SPEF2: variants seen among roughly 807,000 people sequenced by gnomAD.
SPEF2 encodes sperm flagellar and cilia associated 2, also known as sperm flagella and cilia-associated protein 2.
A neutral mutation model predicts 224.6 loss-of-function variants in SPEF2; 187 were observed. The observed-to-expected ratio is 0.83, with a 90% confidence interval of 0.74 to 0.94. SPEF2 has a LOEUF of 0.94. Among genes scored for constraint, SPEF2 ranks in the 40% least tolerant of loss-of-function variants. The probability of loss-of-function intolerance (pLI) is 0.00; values close to 1 mark genes in which losing one functional copy is unlikely to be tolerated. For missense variants in SPEF2, 2,170 were observed against 2,135.6 expected (o/e 1.02, Z -0.32); for synonymous variants, 715 against 707.3 (o/e 1.01, Z -0.17).
At chr5:35,797,543 T>C (rs1341808701) in intron 33 of SPEF2, among the ~76,000 whole-genome samples, 2 of 152,100 alleles carry the variant, frequency 1.3e-5, no homozygotes, top group African/African-American at 4.8e-5. Context: ...CTCTGCGCCT[T>C]GCTTTCTTAT....
At chr5:35,797,764 T>A (rs770773042) in intron 33 of SPEF2, among the ~76,000 whole-genome samples, 8 of 152,222 alleles carry the variant, frequency 5.3e-5, no homozygotes, top group Non-Finnish European at 1.2e-4. Flanking sequence ...CTTATTTGGC[T>A]GTAATTAGAA....
intron 36 of SPEF2, among the ~76,000 whole-genome samples, chr5:35,811,327 GT>G (rs1333285341): frequency 6.6e-6 from 1 of 152,098 alleles, no homozygotes; most frequent in African/African-American, 2.4e-5. Context: ...TTAAAATGTT[GT>G]TTGCTATTAT....
chr5:35,747,186 C>T (rs1009488564), intron 23 of SPEF2, among the ~76,000 whole-genome samples: 1 of 152,128 alleles, frequency 6.6e-6, no homozygotes, highest in African/African-American at 2.4e-5. Flanking sequence ...TGAAACAAAT[C>T]CTGGAAACAC....
intron 10 of SPEF2, among the ~76,000 whole-genome samples, chr5:35,674,336 TC>T (rs146059252): frequency 1.6e-3 from 190 of 120,066 alleles, no homozygotes; most frequent in Middle Eastern, 4.0e-3. Flanking sequence ...CTTTTCGTCT[TC>T]TTTTTTTTTT....
chr5:35,797,360 G>T (rs960530360), intron 33 of SPEF2, among the ~76,000 whole-genome samples: 1 of 144,326 alleles, frequency 6.9e-6, no homozygotes, highest in East Asian at 2.1e-4. Flanking sequence ...GTGTGTGTGT[G>T]TGATGTCCAT....
chr5:35,619,447 C>T (rs2112100550), intron 1 of SPEF2, among the ~76,000 whole-genome samples: 1 of 152,202 alleles, frequency 6.6e-6, no homozygotes, highest in Non-Finnish European at 1.5e-5. Context: ...CTTTGGGAGG[C>T]CGAGGTGGGC....
chr5:35,741,244 A>G (rs180731040), intron 23 of SPEF2, among the ~76,000 whole-genome samples: 108 of 152,350 alleles, frequency 7.1e-4, no homozygotes, highest in African/African-American at 2.5e-3. Flanking sequence ...CAAGGGGAAA[A>G]GAACGTTGGA....
At chr5:35,625,561 A>G (rs1744118741) in intron 1 of SPEF2, among the ~76,000 whole-genome samples, 2 of 152,216 alleles carry the variant, frequency 1.3e-5, no homozygotes, top group Admixed American at 1.3e-4. Context: ...TTGAACAGAA[A>G]GCAATAAGCC....
At chr5:35,790,396 T>C (rs1200841349) in intron 30 of SPEF2, 4 of 496,772 alleles carry the variant, frequency 8.1e-6, no homozygotes, top group Non-Finnish European at 1.4e-5. Context: ...GACATTTTTG[T>C]TGCTTAGCAA....
chr5:35,751,103 A>ATATATATATATATATATG (rs1457638211), intron 23 of SPEF2, among the ~76,000 whole-genome samples: 1 of 106,604 alleles, frequency 9.4e-6, no homozygotes, highest in Non-Finnish European at 1.9e-5. Context: ...ACACATATAT[A>ATATATATATATATATATG]TATATATATA....
chr5:35,807,636 AAGG>A, intron 36 of SPEF2: 1 of 1,535,530 alleles, frequency 6.5e-7, no homozygotes, highest in Non-Finnish European at 8.7e-7. Context: ...CTAATCACGC[AAGG>A]TACACATCAT....
In SPEF2 at chr5:35,649,244, A is replaced by G. The variant is rs73080218; in HGVS notation, c.727-117A>G. 8,007 of 819,758 alleles carry G rather than the reference A, an allele frequency of 9.8e-3. 476 individuals carry two copies. In the African/African-American group the frequency reaches 0.12, roughly 13 times the overall value. The allele number at this position is 819,758 out of a possible 1,614,324, so 50.8% of individuals were successfully genotyped here. ...AAATTTTTAGAATGCAGCTTTTCAT[A>G]TCCTAATTACCTTGAATTAGTAGTA... On this transcript the variant is annotated intron_variant, in intron 5 of 36. Coordinates refer to ENST00000356031, the MANE Select transcript of SPEF2 (RefSeq NM_024867.4).
In SPEF2 at chr5:35,776,393, C is replaced by A; in HGVS notation, c.4215C>A (p.Ala1405=). 6.2e-7 allele frequency: 1 copy of A among 1,607,126 alleles called. No homozygotes were observed. Among genetic ancestry groups the A allele is most frequent in the South Asian group, 1.1e-5 (1 of 89,686 alleles). ...GTGAGAGGTATTTGAATGAAATGGC[C>A]AGGTAAAGTACTACATGACTTTCTG... ...WLGERYLNEM[A]STEKLTDVAR... The change falls in exon 29 of 37, where the codon GCC becomes GCA. Residue 1405 remains alanine (A), a splice_region_variant and synonymous_variant. Transcript: ENST00000356031.
At chr5:35,749,224 T>C (rs1425438439) in intron 23 of SPEF2, among the ~76,000 whole-genome samples, 1 of 152,164 alleles carries the variant, frequency 6.6e-6, no homozygotes, top group Non-Finnish European at 1.5e-5. Flanking sequence ...AAGCCATCTA[T>C]GACAAACCCA....
At chr5:35,706,284 A>C (rs767862595) in intron 18 of SPEF2, among the ~76,000 whole-genome samples, 9 of 151,726 alleles carry the variant, frequency 5.9e-5, no homozygotes, top group Non-Finnish European at 1.3e-4. Context: ...TCTCACATCC[A>C]CCTATTTTGT....
intron 2 of SPEF2, among the ~76,000 whole-genome samples, chr5:35,636,154 G>A (rs1389290551): frequency 6.6e-6 from 1 of 152,074 alleles, no homozygotes; most frequent in African/African-American, 2.4e-5. Context: ...GACTAATTCT[G>A]TAAAGTCTAT....
At chr5:35,675,147 C>T (rs1045657128) in intron 10 of SPEF2, among the ~76,000 whole-genome samples, 1 of 152,136 alleles carries the variant, frequency 6.6e-6, no homozygotes, top group African/African-American at 2.4e-5. Flanking sequence ...TAAGCACTTG[C>T]TTATATGATG....
intron 24 of SPEF2, among the ~76,000 whole-genome samples, chr5:35,754,941 G>A (rs1750217936): frequency 6.6e-6 from 1 of 152,182 alleles, no homozygotes; most frequent in Admixed American, 6.5e-5. Flanking sequence ...TTCATCAAAG[G>A]ACCAATACAT....
In SPEF2 at chr5:35,785,266, G is replaced by A. The variant is rs562192488; in HGVS notation, c.4447+5920G>A. ...TCCACCAGATCAGATTCAGATCACA[G>A]AAATGCAGTAGTGGATCTAGAAGGC... On this transcript the variant is annotated intron_variant, in intron 30 of 36. Transcript: ENST00000356031. Among the ~76,000 whole-genome samples, 3 of 152,164 alleles carry A rather than the reference G, an allele frequency of 2.0e-5. No individual in the cohort carries two copies. The South Asian group carries it at 6.2e-4, about 31-fold the overall frequency.
Sources: allele counts gnomAD v4.1 joint callset (sites outside exome capture counted in the v4.1 genomes callset), GRCh38; gene constraint gnomAD v4.1.1; transcripts MANE v1.5; gene names NCBI Gene and HGNC (gene_info 2026-07-23, HGNC 2026-07-21).